The following KCTD2 variants were observed in gnomAD, a reference collection of about 807,000 sequenced individuals.
KCTD2 encodes BTB/POZ domain-containing protein KCTD2.
In KCTD2, 18 loss-of-function variants were observed where a neutral mutation model predicts 27.9. The ratio of observed to expected loss-of-function variants is 0.64; its 90% confidence interval spans 0.45 to 0.96. The LOEUF (loss-of-function observed/expected upper bound fraction) is 0.96. Among genes scored for constraint, KCTD2 ranks in the 40% least tolerant of loss-of-function variants. The pLI, the probability that KCTD2 is intolerant of heterozygous loss-of-function variation, is 0.00. For synonymous variants in KCTD2, 175 were observed against 148.4 expected (o/e 1.18, Z -1.30); for missense variants, 280 against 348.0 (o/e 0.80, Z 1.56).
rs1598121217 is a variant in KCTD2 at position 75,049,256 on chromosome 17, A to G, written c.376A>G (p.Thr126Ala). Residue 126 changes from threonine (T) to alanine (A), a missense_variant, in exon 2 of 6, where the codon ACC (threonine) becomes GCC (alanine). Coordinates refer to ENST00000322444, the MANE Select transcript of KCTD2 (RefSeq NM_015353.3). ...TGAYLIDRDP[T>A]YFGPILNYLR... is the part of the protein sequence containing the mutation. ...AGCCTATCTGATTGACAGGGACCCC[A>G]CCTACTTTGGTCCTATCCTCAACTA... The G allele has an allele frequency of 6.2e-7, 1 of 1,613,800 alleles. No individual in the cohort carries two copies. Among genetic ancestry groups the G allele is most frequent in the Non-Finnish European group, 8.5e-7 (1 of 1,179,694 alleles).
At chr17:75,042,152 C>G (rs755493665) in intron 3 of KCTD2, 3 of 1,588,910 alleles carry the variant, frequency 1.9e-6, no homozygotes, top group South Asian at 2.2e-5. Context: ...ATGTTACAAG[C>G]TCAGTGCTTT....
At chr17:75,053,922 C>T (rs552108091) in intron 3 of KCTD2, among the ~76,000 whole-genome samples, 1 of 144,164 alleles carries the variant, frequency 6.9e-6, no homozygotes, top group East Asian at 2.3e-4. Context: ...GCTGGCCTCC[C>T]AAAGTGCTAG....
At chr17:75,039,094 G>A in intron 3 of KCTD2, 1 of 1,612,992 alleles carries the variant, frequency 6.2e-7, no homozygotes, top group East Asian at 2.2e-5. Flanking sequence ...TTTAGTTAAT[G>A]TAAACAGAGA....
At chr17:75,061,863 CGGG>C (rs71361644) in intron 4 of KCTD2, among the ~76,000 whole-genome samples, 1 of 151,166 alleles carries the variant, frequency 6.6e-6, no homozygotes, top group African/African-American at 2.4e-5. Context: ...CTGCCGCTGA[CGGG>C]GGGGGACTTC....
chr17:75,044,225 G>GGGTT (rs1385531743), upstream of KCTD2, among the ~76,000 whole-genome samples: 718 of 79,752 alleles, frequency 9.0e-3, 40 homozygotes, highest in African/African-American at 0.053. Flanking sequence ...TTGAGACGGA[G>GGGTT]TCTCGCTCTG....
At position 75,038,837 on chromosome 17, in the gene KCTD2, CCA is replaced by C. The variant is rs1291791432; in HGVS notation, c.-259+3483_-259+3484del. 3.4e-5 allele frequency: 48 copies of C among 1,400,478 alleles called. No homozygotes were observed. In the African/African-American group the frequency reaches 4.4e-4, roughly 13 times the overall value. 86.8% of individuals were successfully genotyped at this position (1,400,478 alleles called of 1,614,324 possible). A position where few individuals can be genotyped will look rare whatever the true frequency, so the allele number is the denominator to read the frequency against. ...CAGAAGAGAGGCTTAATTATCTCAACCACAGAGAAGAAGCACACCCAGAACTG... is the reference window on the plus strand; with the variant it reads ...CAGAAGAGAGGCTTAATTATCTCAACCAGAGAAGAAGCACACCCAGAACTG... On this transcript the variant is annotated intron_variant, in intron 3 of 7. Transcript: ENST00000581589.
At position 75,049,381 on chromosome 17, in the gene KCTD2, A is replaced by C. The variant is rs150434976; in HGVS notation, c.448+53A>C. 338 of 1,156,164 alleles carry C rather than the reference A, an allele frequency of 2.9e-4. 1 individual carries two copies. In the African/African-American group the frequency reaches 4.2e-3, roughly 14 times the overall value. 71.6% of individuals were successfully genotyped at this position (1,156,164 alleles called of 1,614,324 possible). A position where few individuals can be genotyped will look rare whatever the true frequency, so the allele number is the denominator to read the frequency against. ...TTCAAAATGCAAGTAGAATCTTTAA[A>C]GTTGTTTTACAGATTTCAATTTTGT... On this transcript the variant is annotated intron_variant, in intron 2 of 5. Transcript: ENST00000322444.
intron 3 of KCTD2, among the ~76,000 whole-genome samples, chr17:75,038,476 CA>C (rs2073125786): frequency 6.6e-6 from 1 of 152,178 alleles, no homozygotes; most frequent in Non-Finnish European, 1.5e-5. Context: ...CTTTTGTGCT[CA>C]AAAGCTGAAG....
chr17:75,049,354 T>C (rs745437240), intron 2 of KCTD2, 26 bp downstream of exon 2: 3 of 1,339,230 alleles, frequency 2.2e-6, no homozygotes, highest in Non-Finnish European at 2.1e-6. Flanking sequence ...GCATTGGGGA[T>C]TTTCAAAATG....
At chr17:75,060,785 A>C (rs2073397171) in intron 4 of KCTD2, among the ~76,000 whole-genome samples, 1 of 152,230 alleles carries the variant, frequency 6.6e-6, no homozygotes, top group Admixed American at 6.5e-5. Flanking sequence ...TAGAGTTTTA[A>C]CAGGTCAACA....
At chr17:75,053,332 A>G (rs569864586) in intron 3 of KCTD2, among the ~76,000 whole-genome samples, 1 of 152,290 alleles carries the variant, frequency 6.6e-6, no homozygotes, top group African/African-American at 2.4e-5. Context: ...GTCGCTGCTT[A>G]CCAGATGGCG....
intron 1 of KCTD2, 66 bp downstream of exon 1, chr17:75,047,655 C>CA: frequency 6.6e-7 from 1 of 1,509,812 alleles, no homozygotes; most frequent in Non-Finnish European, 8.9e-7. Flanking sequence ...GATCGGTCCC[C>CA]AGAGTCCTGA....
rs1288171862 is a variant in KCTD2 at position 75,063,437 on chromosome 17, G to A, written c.*390G>A. On this transcript the variant is annotated 3_prime_UTR_variant, in exon 6 of 6. Coordinates refer to ENST00000322444, the MANE Select transcript of KCTD2 (RefSeq NM_015353.3). ...GAGCCAAGAGGATTGTTCCCGTGCC[G>A]TGCCATGGTTTCACCCTATGTGTGC... 1.6e-5 allele frequency: 4 copies of A among 245,438 alleles called. No individual in the cohort carries two copies. The highest frequency in any genetic ancestry group is 2.4e-5 in the Non-Finnish European group (3 of 123,210). 15.2% of individuals were successfully genotyped at this position (245,438 alleles called of 1,614,324 possible). A position where few individuals can be genotyped will look rare whatever the true frequency, so the allele number is the denominator to read the frequency against.
Position 75,065,050 on chromosome 17 carries a change from G to A in KCTD2, c.*2003G>A, listed in dbSNP as rs975290634. 2.6e-5 allele frequency: 4 copies of A among 152,254 alleles called. No homozygotes were observed. The highest frequency in any genetic ancestry group is 9.7e-5 in the African/African-American group (4 of 41,442). 9.4% of individuals were successfully genotyped at this position (152,254 alleles called of 1,614,324 possible). On this transcript the variant is annotated 3_prime_UTR_variant, in exon 6 of 6. Coordinates refer to ENST00000322444, the MANE Select transcript of KCTD2 (RefSeq NM_015353.3). ...CTTTCTCACCAGGTTCAGCAAGGAG[G>A]CCTGGGGGTCAGACACCAATGTTGA...
chr17:75,046,224 A>G (rs1029833914), upstream of KCTD2, among the ~76,000 whole-genome samples: 13 of 152,184 alleles, frequency 8.5e-5, no homozygotes, highest in African/African-American at 2.6e-4. Context: ...CTGGGATTAT[A>G]GGGGCCTTCC....
At chr17:75,040,007 A>T in intron 3 of KCTD2, 1 of 1,410,258 alleles carries the variant, frequency 7.1e-7, no homozygotes, top group Non-Finnish European at 9.9e-7. Context: ...TCTTCCATTT[A>T]ATTCACTCTA....
intron 3 of KCTD2, among the ~76,000 whole-genome samples, chr17:75,056,985 C>T (rs58036933): frequency 7.2e-4 from 90 of 125,606 alleles, no homozygotes; most frequent in African/African-American, 2.6e-3. Context: ...GACAGAGTCT[C>T]GCTGTGTTGA....
At chr17:75,033,783 C>A (rs1265913622) in intron 1 of KCTD2, among the ~76,000 whole-genome samples, 1 of 152,228 alleles carries the variant, frequency 6.6e-6, no homozygotes, top group Non-Finnish European at 1.5e-5. Flanking sequence ...TTCCCGCCCG[C>A]TCACCAAAAG....
At chr17:75,062,430 G>A (rs2144943917) in intron 5 of KCTD2, among the ~76,000 whole-genome samples, 185 bp downstream of exon 5, 1 of 152,190 alleles carries the variant, frequency 6.6e-6, no homozygotes. Context: ...ACTGACAGGT[G>A]TTTTTAGTTA....
Sources: allele counts gnomAD v4.1 joint callset (sites outside exome capture counted in the v4.1 genomes callset), GRCh38; gene constraint gnomAD v4.1.1; transcripts MANE v1.5; gene names NCBI Gene and HGNC (gene_info 2026-07-23, HGNC 2026-07-21).